Variants in TTC39C observed in about 807,000 individuals in gnomAD.
TTC39C encodes tetratricopeptide repeat domain 39C, also known as tetratricopeptide repeat protein 39C.
Under a neutral mutation model 76.3 loss-of-function variants are expected in TTC39C, and 33 were observed. That is an observed-to-expected ratio of 0.43 (90% confidence interval 0.33 to 0.58). TTC39C has a LOEUF of 0.58. Among genes scored for constraint, TTC39C ranks in the 20% least tolerant of loss-of-function variants. The probability of loss-of-function intolerance (pLI) is 0.04; values close to 1 mark genes in which losing one functional copy is unlikely to be tolerated. For missense variants in TTC39C, 595 were observed against 701.4 expected (o/e 0.85, Z 1.71); for synonymous variants, 254 against 260.6 (o/e 0.97, Z 0.24).
chr18:24,035,741 T>G (rs2083723772), intron 1 of TTC39C, among the ~76,000 whole-genome samples: 1 of 152,174 alleles, frequency 6.6e-6, no homozygotes, highest in African/African-American at 2.4e-5. Flanking sequence ...GCCTTTTCAC[T>G]CTGTTGTTAG....
chr18:24,001,823 G>GTTTTTT (rs750295981), intron 1 of TTC39C, among the ~76,000 whole-genome samples: 2,161 of 56,994 alleles, frequency 0.038, 155 homozygotes, highest in East Asian at 0.066. Context: ...CGGTAATTCT[G>GTTTTTT]TTTTTTTTTT....
intron 1 of TTC39C, among the ~76,000 whole-genome samples, chr18:24,047,974 A>G (rs1221269670): frequency 1.3e-5 from 2 of 152,218 alleles, no homozygotes; most frequent in African/African-American, 4.8e-5. Flanking sequence ...AAAGTATATG[A>G]AAGAAGGAAC....
At chr18:24,084,583 T>C (rs1331277896) in intron 6 of TTC39C, among the ~76,000 whole-genome samples, 1 of 152,210 alleles carries the variant, frequency 6.6e-6, no homozygotes, top group Non-Finnish European at 1.5e-5. Context: ...GTTCTCATTA[T>C]CTTGCAATTG....
chr18:24,051,429 C>T (rs1431686764), intron 1 of TTC39C, among the ~76,000 whole-genome samples: 4 of 152,216 alleles, frequency 2.6e-5, no homozygotes, highest in Non-Finnish European at 5.9e-5. Flanking sequence ...ACAGGTACCC[C>T]TCCAGGCCTG....
rs1325957729 is a variant in TTC39C, at chr18:24,113,764, G to T, written c.985-790G>T. On this transcript the variant is annotated intron_variant, in intron 6 of 13. Transcript: ENST00000317571. ...GCTCCTCTTGGGTACTTGTGGCATC[G>T]TGTTGGCAGACCCTGAGTGACATCT... is the stretch of plus-strand genomic sequence containing the variant. 3 of 691,866 alleles carry T rather than the reference G, an allele frequency of 4.3e-6. No homozygotes were observed. In the African/African-American group the frequency reaches 5.3e-5, roughly 12 times the overall value. The allele number at this position is 691,866 out of a possible 1,614,324, so 42.9% of individuals were successfully genotyped here.
chr18:24,073,109 T>A (rs1310544291), intron 4 of TTC39C, among the ~76,000 whole-genome samples: 1 of 152,230 alleles, frequency 6.6e-6, no homozygotes, highest in Non-Finnish European at 1.5e-5. Context: ...TGGGACCTTC[T>A]CCCTCAGGTG....
chr18:24,040,504 G>T (rs1376889257), intron 1 of TTC39C, among the ~76,000 whole-genome samples: 3 of 152,036 alleles, frequency 2.0e-5, no homozygotes, highest in African/African-American at 7.2e-5. Context: ...TACATGTCAT[G>T]TTTTTCCTCA....
At chr18:24,101,404 C>T (rs559126365) in intron 6 of TTC39C, among the ~76,000 whole-genome samples, 1 of 151,660 alleles carries the variant, frequency 6.6e-6, no homozygotes, top group East Asian at 1.9e-4. Flanking sequence ...GTCAAGAGAT[C>T]GAGACCATCC....
chr18:24,031,720 A>T (rs2083673720), intron 1 of TTC39C, among the ~76,000 whole-genome samples: 1 of 152,046 alleles, frequency 6.6e-6, no homozygotes, highest in Non-Finnish European at 1.5e-5. Flanking sequence ...GATCTCTTCA[A>T]CATTAATGTC....
At chr18:24,022,714 T>C in intron 1 of TTC39C, 1 of 985,362 alleles carries the variant, frequency 1.0e-6, no homozygotes, top group Non-Finnish European at 1.2e-6. Context: ...TGGCTCCCAG[T>C]CTTGTGTAGG....
chr18:24,042,500 C>T (rs1171278699), intron 1 of TTC39C, among the ~76,000 whole-genome samples: 2 of 152,186 alleles, frequency 1.3e-5, no homozygotes, highest in Non-Finnish European at 2.9e-5. Flanking sequence ...TGCTCGCTCG[C>T]CTGCTGCTCA....
chr18:24,127,112 G>A (rs906348172), intron 10 of TTC39C, among the ~76,000 whole-genome samples: 4 of 152,166 alleles, frequency 2.6e-5, no homozygotes, highest in African/African-American at 9.7e-5. Flanking sequence ...TGCCTGGAAG[G>A]GAAGACAGAC....
intron 1 of TTC39C, among the ~76,000 whole-genome samples, chr18:23,995,534 A>G (rs544910387): frequency 8.5e-5 from 13 of 152,282 alleles, no homozygotes; most frequent in Non-Finnish European, 1.9e-4. Flanking sequence ...TTCACTCAGC[A>G]TAATGCACCT....
chr18:24,030,648 CTTTTTTTTT>C (rs1167104790), intron 1 of TTC39C, among the ~76,000 whole-genome samples: 1 of 89,042 alleles, frequency 1.1e-5, no homozygotes, highest in Non-Finnish European at 2.0e-5. Context: ...AAAGATAGGC[CTTTTTTTTT>C]TTTTTTTTTT....
At chr18:24,062,036 TGG>T (rs369966071) in intron 1 of TTC39C, among the ~76,000 whole-genome samples, 176 of 152,272 alleles carry the variant, frequency 1.2e-3, no homozygotes, top group Non-Finnish European at 1.7e-3. Flanking sequence ...CCGGGTGCTG[TGG>T]GGGATGCAGA....
chr18:24,024,210 G>T (rs1347036695), intron 1 of TTC39C, among the ~76,000 whole-genome samples: 1 of 148,600 alleles, frequency 6.7e-6, no homozygotes, highest in Non-Finnish European at 1.5e-5. Context: ...ACCGGGTTTC[G>T]CTATATTGGT....
chr18:24,067,161 A>C (rs1025414665), intron 3 of TTC39C, among the ~76,000 whole-genome samples: 3 of 152,224 alleles, frequency 2.0e-5, no homozygotes, highest in African/African-American at 4.8e-5. Flanking sequence ...GTTTTGTACT[A>C]AGAATGCAGA....
At chr18:24,072,481 G>A (rs1253437058) in intron 4 of TTC39C, among the ~76,000 whole-genome samples, 1 of 152,152 alleles carries the variant, frequency 6.6e-6, no homozygotes, top group East Asian at 1.9e-4. Flanking sequence ...ATTTTTAGTA[G>A]AGACAGGGTT....
intron 1 of TTC39C, among the ~76,000 whole-genome samples, chr18:24,032,384 C>T (rs1212871023): frequency 2.0e-5 from 3 of 152,136 alleles, no homozygotes; most frequent in Non-Finnish European, 4.4e-5. Context: ...CCGTCACTGC[C>T]TTATCTCATT....
Sources: gnomAD v4.1 joint callset for allele counts (sites outside exome capture counted in the v4.1 genomes callset) on GRCh38, gnomAD v4.1.1 for gene constraint, MANE v1.5 for transcripts, NCBI Gene and HGNC (gene_info 2026-07-23, HGNC 2026-07-21) for gene names.